Variants in GPC6 observed in about 807,000 individuals in gnomAD.
GPC6 encodes the protein glypican 6.
Under a neutral mutation model 55.2 loss-of-function variants are expected in GPC6, and 14 were observed. That is an observed-to-expected ratio of 0.25 (90% CI 0.17 to 0.40). The LOEUF is 0.40. GPC6 is among the 10% of genes least tolerant of loss of function. GPC6 has a pLI of 1.00. For missense variants in GPC6, 641 were observed against 708.5 expected (o/e 0.90, Z 1.08); for synonymous variants, 278 against 259.6 (o/e 1.07, Z -0.68).
At chr13:93,747,867 A>G (rs2138857846) in intron 2 of GPC6, among the ~76,000 whole-genome samples, 1 of 152,298 alleles carries the variant, frequency 6.6e-6, no homozygotes, top group East Asian at 1.9e-4. Flanking sequence ...CTCTGTATTC[A>G]GCAGTTACCT....
At chr13:93,738,949 A>ACG (rs1566511062) in intron 2 of GPC6, among the ~76,000 whole-genome samples, 1 of 137,322 alleles carries the variant, frequency 7.3e-6, no homozygotes, top group South Asian at 2.3e-4. Context: ...ACACACACAC[A>ACG]CACACACACA....
intron 2 of GPC6, among the ~76,000 whole-genome samples, chr13:93,810,268 T>C (rs1252357044): frequency 6.6e-6 from 1 of 152,244 alleles, no homozygotes; most frequent in African/African-American, 2.4e-5. Context: ...TTGAGTCCGT[T>C]TCACTATATT....
intron 1 of GPC6, among the ~76,000 whole-genome samples, chr13:93,403,711 C>T (rs1430014974): frequency 1.3e-5 from 2 of 152,106 alleles, no homozygotes; most frequent in African/African-American, 2.4e-5. Flanking sequence ...CAGCTTGGCT[C>T]GCTCATGCCT....
chr13:94,017,756 G>A (rs1390536800), intron 3 of GPC6, among the ~76,000 whole-genome samples: 1 of 152,046 alleles, frequency 6.6e-6, no homozygotes, highest in Non-Finnish European at 1.5e-5. Flanking sequence ...TTGGCTCACT[G>A]CAACCTCTGC....
intron 1 of GPC6, among the ~76,000 whole-genome samples, chr13:93,270,031 G>A (rs1460170230): frequency 6.6e-6 from 1 of 151,800 alleles, no homozygotes; most frequent in Non-Finnish European, 1.5e-5. Context: ...GGAGGCTGAG[G>A]ATTGCTTGAG....
chr13:93,863,213 G>T (rs971178861), intron 3 of GPC6, among the ~76,000 whole-genome samples: 2 of 151,596 alleles, frequency 1.3e-5, no homozygotes, highest in African/African-American at 4.8e-5. Flanking sequence ...AAGCCATCTT[G>T]CAGTCTGTTT....
chr13:94,359,517 A>G (rs948918994), intron 6 of GPC6, among the ~76,000 whole-genome samples: 2 of 152,230 alleles, frequency 1.3e-5, no homozygotes, highest in African/African-American at 4.8e-5. Flanking sequence ...ACATGCCAGC[A>G]TGATCATTAT....
chr13:94,207,266 T>A (rs1889933068), intron 4 of GPC6, among the ~76,000 whole-genome samples: 1 of 152,174 alleles, frequency 6.6e-6, no homozygotes, highest in Non-Finnish European at 1.5e-5. Context: ...TCTGCATGCA[T>A]TACTATACCG....
At chr13:93,760,959 CA>C (rs749982955) in intron 2 of GPC6, among the ~76,000 whole-genome samples, 5 of 152,112 alleles carry the variant, frequency 3.3e-5, no homozygotes, top group Non-Finnish European at 7.4e-5. Context: ...ATTTCTAAGA[CA>C]AAGTATGATT....
rs10640733 is a variant in GPC6, at chr13:93,384,384, GT to G, written c.160+156780del. ...CATTATGAGTTTCAACCTGAAAACC[GT>G]TTTTTTTTTTTAAAAAAAAGGCAAA... On this transcript the variant is annotated intron_variant, in intron 1 of 8. Transcript: ENST00000377047. Among the ~76,000 whole-genome samples, 1,182 of 143,386 alleles carry G rather than the reference GT, an allele frequency of 8.2e-3. 4 individuals carry two copies. Among genetic ancestry groups the G allele is most frequent in the African/African-American group, 0.018 (718 of 39,148 alleles). 94.1% of individuals were successfully genotyped at this position (143,386 alleles called of 152,430 possible). A position where few individuals can be genotyped will look rare whatever the true frequency, so the allele number is the denominator to read the frequency against.
At chr13:93,275,640 G>A (rs1877707374) in intron 1 of GPC6, among the ~76,000 whole-genome samples, 1 of 152,138 alleles carries the variant, frequency 6.6e-6, no homozygotes, top group Non-Finnish European at 1.5e-5. Flanking sequence ...CCTTCTCCCT[G>A]TCCTCAATGG....
chr13:93,951,553 A>T (rs931399597), intron 3 of GPC6, among the ~76,000 whole-genome samples: 4 of 152,164 alleles, frequency 2.6e-5, no homozygotes, highest in African/African-American at 9.7e-5. Context: ...TATTTTGCTG[A>T]TAACCAGTAA....
intron 1 of GPC6, among the ~76,000 whole-genome samples, chr13:93,490,119 CTTA>C (rs1412774121): frequency 2.6e-5 from 4 of 151,344 alleles, no homozygotes; most frequent in African/African-American, 9.7e-5. Context: ...ATAAATAGCT[CTTA>C]TTATTTTGAG....
At chr13:93,265,197 T>G (rs1016405736) in intron 1 of GPC6, among the ~76,000 whole-genome samples, 1 of 152,192 alleles carries the variant, frequency 6.6e-6, no homozygotes, top group Non-Finnish European at 1.5e-5. Context: ...AGCTGTAAAG[T>G]GAAATTCTGA....
At chr13:93,333,254 G>T (rs1879917218) in intron 1 of GPC6, among the ~76,000 whole-genome samples, 1 of 152,030 alleles carries the variant, frequency 6.6e-6, no homozygotes, top group Non-Finnish European at 1.5e-5. Context: ...ATTTTGTTAG[G>T]GATTGCATTG....
Position 94,169,959 on chromosome 13 carries a change from C to A in GPC6, c.878-116390C>A, listed in dbSNP as rs533196572. Among the ~76,000 whole-genome samples the A allele has an allele frequency of 2.6e-5, 4 of 152,238 alleles. No individual in the cohort carries two copies. In the East Asian group the frequency reaches 7.7e-4, roughly 29 times the overall value. ...TGAGAAGTGAAGACTGGAAGTTGGG[C>A]AGGCGGGACCTCTGGGGATGAACTT... On this transcript the variant is annotated intron_variant, in intron 4 of 8. Coordinates refer to ENST00000377047, the MANE Select transcript of GPC6 (RefSeq NM_005708.5).
chr13:93,766,312 T>G (rs1227812831), intron 2 of GPC6, among the ~76,000 whole-genome samples: 1 of 152,164 alleles, frequency 6.6e-6, no homozygotes, highest in Non-Finnish European at 1.5e-5. Flanking sequence ...TAATGGATTT[T>G]GCATGGGTAA....
At chr13:93,667,970 T>G (rs914605243) in intron 2 of GPC6, among the ~76,000 whole-genome samples, 1 of 152,206 alleles carries the variant, frequency 6.6e-6, no homozygotes. Flanking sequence ...TTGACTTGCA[T>G]GATAGACACC....
At chr13:93,646,423 T>A (rs1312324190) in intron 2 of GPC6, among the ~76,000 whole-genome samples, 1 of 152,098 alleles carries the variant, frequency 6.6e-6, no homozygotes, top group African/African-American at 2.4e-5. Context: ...TCTTGGCAAA[T>A]TCACATTTAA....
Sources: allele counts gnomAD v4.1 joint callset (sites outside exome capture counted in the v4.1 genomes callset), GRCh38; gene constraint gnomAD v4.1.1; transcripts MANE v1.5; gene names NCBI Gene and HGNC (gene_info 2026-07-23, HGNC 2026-07-21).